Variants in HYDIN observed in about 807,000 individuals in gnomAD.
HYDIN encodes the protein HYDIN axonemal central pair apparatus protein.
HYDIN carries 132 observed loss-of-function variants against 403.9 expected under a neutral mutation model. The observed-to-expected ratio is 0.33, with a 90% CI of 0.28 to 0.38. The LOEUF is 0.38. Among genes scored for constraint, HYDIN ranks in the 10% least tolerant of loss-of-function variants. HYDIN has a pLI of 1.00. For synonymous variants in HYDIN, 1,202 were observed against 1,891.7 expected, an observed-to-expected ratio of 0.64 and a Z score of 9.46; for missense variants, 2,827 against 5,009.5, an observed-to-expected ratio of 0.56 and a Z score of 13.15.
chr16:71,174,302 A>G (rs2086578711), intron 5 of HYDIN, among the ~76,000 whole-genome samples: 1 of 152,162 alleles, frequency 6.6e-6, no homozygotes, highest in Non-Finnish European at 1.5e-5. Context: ...CTCTCCAGAA[A>G]AGTAGTAACA....
chr16:71,133,218 G>A (rs2084782530), intron 8 of HYDIN: 1 of 452,684 alleles, frequency 2.2e-6, no homozygotes, highest in Non-Finnish European at 4.4e-6. Context: ...TAAGAGCCAT[G>A]GTCTTGAGAG....
At position 71,171,972 on chromosome 16, in the gene HYDIN, T is replaced by C. The variant is rs535777423; in HGVS notation, c.516+3635A>G. Reference sequence around the variant, plus strand: ...CCAGATAGAACTGGGGAGGGCGAATTTCAGGCAGGAGGAAAACAAAATCCT... The same window carrying C: ...CCAGATAGAACTGGGGAGGGCGAATCTCAGGCAGGAGGAAAACAAAATCCT... On this transcript the variant is annotated intron_variant, in intron 5 of 85. Coordinates refer to ENST00000393567, the MANE Select transcript of HYDIN (RefSeq NM_001270974.2). 4.6e-5 allele frequency among the ~76,000 whole-genome samples: 7 copies of C among 152,302 alleles called. No homozygotes were observed. The South Asian group carries it at 1.2e-3, about 27-fold the overall frequency.
intron 39 of HYDIN, among the ~76,000 whole-genome samples, chr16:70,958,769 ATGT>A (rs2078319338): frequency 6.7e-6 from 1 of 148,222 alleles, no homozygotes; most frequent in Admixed American, 6.8e-5. Flanking sequence ...TGCTCCATAA[ATGT>A]TGTCTGTATG....
At chr16:70,884,402 C>T (rs1259699476) in intron 58 of HYDIN, among the ~76,000 whole-genome samples, 1 of 149,816 alleles carries the variant, frequency 6.7e-6, no homozygotes, top group East Asian at 1.9e-4. Flanking sequence ...CAGATAGACT[C>T]CACATCATAT....
At chr16:70,859,117 C>T (rs529225164) in intron 71 of HYDIN, among the ~76,000 whole-genome samples, 28 of 151,480 alleles carry the variant, frequency 1.8e-4, no homozygotes, top group Non-Finnish European at 2.7e-4. Context: ...CTGGCTAACA[C>T]GGTGAAACAC....
intron 44 of HYDIN, among the ~76,000 whole-genome samples, chr16:70,937,020 G>A (rs2077513822): frequency 6.6e-6 from 1 of 151,610 alleles, no homozygotes; most frequent in African/African-American, 2.4e-5. Context: ...TGAGGGAATG[G>A]TACTTCTGAA....
intron 77 of HYDIN, among the ~76,000 whole-genome samples, chr16:70,836,433 A>G (rs1481285111): frequency 6.6e-6 from 1 of 152,344 alleles, no homozygotes; most frequent in Non-Finnish European, 1.5e-5. Flanking sequence ...TTTGTGAGAG[A>G]GCTCTGGCTT....
intron 3 of HYDIN, among the ~76,000 whole-genome samples, chr16:71,181,263 A>G (rs1324488971): frequency 6.6e-6 from 1 of 151,652 alleles, no homozygotes; most frequent in African/African-American, 2.4e-5. Flanking sequence ...ACGGAAATGC[A>G]AAGGACCAAG....
chr16:71,047,966 G>C (rs1456069069), intron 18 of HYDIN, among the ~76,000 whole-genome samples: 1 of 150,642 alleles, frequency 6.6e-6, no homozygotes, highest in Non-Finnish European at 1.5e-5. Context: ...TTTTGTATCT[G>C]TTAACCAACC....
Position 70,904,478 on chromosome 16 carries a change from C to CTTTTTTTTT in HYDIN, c.8517-423_8517-415dup, listed in dbSNP as rs76148650. Among the ~76,000 whole-genome samples, 10 of 25,218 alleles carry CTTTTTTTTT rather than the reference C, an allele frequency of 4.0e-4. 2 individuals carry two copies. In the East Asian group the frequency reaches 6.1e-3, roughly 15 times the overall value. The allele number at this position is 25,218 out of a possible 152,430, so 16.5% of individuals were successfully genotyped here. A position where few individuals can be genotyped will look rare whatever the true frequency, so the allele number is the denominator to read the frequency against. Reference sequence around the variant, plus strand: ...CTGAGAGAGATTATCACTTGAGTAACTTTTTTTTTTTTTTTTTTTTTTTTT... The same window carrying CTTTTTTTTT: ...CTGAGAGAGATTATCACTTGAGTAACTTTTTTTTTTTTTTTTTTTTTTTTTTTTTTTTTT... On this transcript the variant is annotated intron_variant, in intron 50 of 85. Transcript: ENST00000393567.
At chr16:71,093,090 T>C (rs1409496339) in intron 11 of HYDIN, among the ~76,000 whole-genome samples, 1 of 151,184 alleles carries the variant, frequency 6.6e-6, no homozygotes, top group Non-Finnish European at 1.5e-5. Context: ...ATCTGGCACC[T>C]ATTTGTCACT....
intron 1 of HYDIN, among the ~76,000 whole-genome samples, chr16:71,228,453 T>A (rs1351063891): frequency 6.6e-6 from 1 of 151,748 alleles, no homozygotes; most frequent in Non-Finnish European, 1.5e-5. Context: ...AAGAACTCAA[T>A]CAAATTTACA....
At chr16:71,227,399 G>A (rs952488013) in intron 1 of HYDIN, among the ~76,000 whole-genome samples, 4 of 152,132 alleles carry the variant, frequency 2.6e-5, no homozygotes, top group African/African-American at 9.7e-5. Context: ...TGACATGATT[G>A]TATATCTAGG....
rs1348943767 is a variant in HYDIN at position 70,970,565 on chromosome 16, C to T, written c.5574G>A (p.Glu1858=). Residue 1858 remains glutamate, a synonymous_variant, in exon 36 of 86, where the codon GAG becomes GAA. Transcript: ENST00000393567. ...GCTGATCAAATTCTAAGGAATAAAACTCAATGGGGAAGTTGCAGGGATTCT... is the reference window on the plus strand; with the variant it reads ...GCTGATCAAATTCTAAGGAATAAAATTCAATGGGGAAGTTGCAGGGATTCT... ...IVKNPCNFPI[E]FYSLEFDQQY... 3 of 1,351,800 alleles carry T rather than the reference C, an allele frequency of 2.2e-6. No homozygotes were observed. In the Admixed American group the frequency reaches 5.4e-5, roughly 24 times the overall value. 83.7% of individuals were successfully genotyped at this position (1,351,800 alleles called of 1,614,324 possible).
At chr16:70,885,923 C>G (rs1268367898) in intron 58 of HYDIN, among the ~76,000 whole-genome samples, 1 of 150,908 alleles carries the variant, frequency 6.6e-6, no homozygotes, top group Non-Finnish European at 1.5e-5. Context: ...TGCAGAATAC[C>G]TGCTTCTCTC....
At chr16:71,070,881 T>C (rs1359300926) in intron 13 of HYDIN, among the ~76,000 whole-genome samples, 1 of 142,338 alleles carries the variant, frequency 7.0e-6, no homozygotes, top group South Asian at 2.4e-4. Context: ...CATTAGGCCA[T>C]TGGAGGAAAC....
Position 70,920,958 on chromosome 16 carries a change from T to C in HYDIN, c.7418A>G (p.Tyr2473Cys). 1.9e-6 allele frequency: 3 copies of C among 1,608,716 alleles called. No individual in the cohort carries two copies. Among genetic ancestry groups the C allele is most frequent in the South Asian group, 1.1e-5 (1 of 90,478 alleles). ...CTGGACTCCTTGCTTCCGGTCCCAG[T>C]ACATGAGGATGTTCTGGACATCCTT... ...TLKDVQNILM[Y>C]WDRKQGVQLP... is the part of the protein sequence containing the mutation. Residue 2473 changes from tyrosine to cysteine, a missense_variant, in exon 46 of 86, where the codon TAC becomes TGC. By Grantham distance (194) the Tyr-to-Cys change is radical. Coordinates refer to ENST00000393567, the MANE Select transcript of HYDIN (RefSeq NM_001270974.2).
chr16:71,102,770 T>A (rs962761491), intron 10 of HYDIN, among the ~76,000 whole-genome samples: 1 of 149,920 alleles, frequency 6.7e-6, no homozygotes, highest in Non-Finnish European at 1.5e-5. Context: ...TGCCAGGTAC[T>A]GAGGGCAACT....
intron 11 of HYDIN, chr16:71,090,595 G>C (rs2083089752): frequency 6.6e-6 from 1 of 152,156 alleles, no homozygotes; most frequent in African/African-American, 2.4e-5. Context: ...GAACTCCTAG[G>C]CTCAAGTGAT....
Sources: gnomAD v4.1 joint callset for allele counts (sites outside exome capture counted in the v4.1 genomes callset) on GRCh38, gnomAD v4.1.1 for gene constraint, MANE v1.5 for transcripts, NCBI Gene and HGNC (gene_info 2026-07-23, HGNC 2026-07-21) for gene names.